The following FRMD3 variants were observed in gnomAD, a reference collection of about 807,000 sequenced individuals.
The protein encoded by FRMD3 is FERM domain containing 3.
FRMD3 carries 33 observed loss-of-function variants against 70.2 expected under a neutral mutation model. That is an observed-to-expected ratio of 0.47 (90% CI 0.36 to 0.63). The LOEUF (loss-of-function observed/expected upper bound fraction) is 0.63, where lower values mean the gene tolerates loss of function less well. Ranked by LOEUF, FRMD3 falls within the 20% of genes least tolerant of loss-of-function variation. The pLI is 0.00. For missense variants in FRMD3, 632 were observed against 711.4 expected, an observed-to-expected ratio of 0.89 and a Z score of 1.27; for synonymous variants, 279 against 255.9, an observed-to-expected ratio of 1.09 and a Z score of -0.86.
intron 8 of FRMD3, 85 bp downstream of exon 8, chr9:83,311,802 T>C (rs185349358): frequency 2.2e-6 from 2 of 923,044 alleles, no homozygotes; most frequent in East Asian, 4.8e-5. Flanking sequence ...GCATTCTACC[T>C]GACACTTGCC....
At chr9:83,310,608 G>T in intron 8 of FRMD3, 60 bp from the exon 9 acceptor site, 1 of 1,350,394 alleles carries the variant, frequency 7.4e-7, no homozygotes, top group Non-Finnish European at 1.0e-6. Context: ...AAGGTACCTG[G>T]GTTTCCCATA....
chr9:83,306,459 A>G (rs573907819), intron 10 of FRMD3, among the ~76,000 whole-genome samples: 63 of 152,276 alleles, frequency 4.1e-4, no homozygotes, highest in African/African-American at 1.4e-3. Context: ...CATGTCCCAC[A>G]AAATGCATCC....
chr9:83,325,299 G>A (rs748712973), intron 6 of FRMD3, among the ~76,000 whole-genome samples: 4 of 152,110 alleles, frequency 2.6e-5, no homozygotes, highest in Non-Finnish European at 5.9e-5. Flanking sequence ...ACTTATACTT[G>A]ATAAATCTAT....
chr9:83,315,369 G>A (rs773084363), intron 6 of FRMD3, among the ~76,000 whole-genome samples: 10 of 152,100 alleles, frequency 6.6e-5, no homozygotes, highest in Non-Finnish European at 1.5e-4. Context: ...GGGATGTGCC[G>A]TGTGGAACAG....
intron 1 of FRMD3, among the ~76,000 whole-genome samples, chr9:83,417,609 CT>C (rs1372068636): frequency 6.6e-6 from 1 of 152,208 alleles, no homozygotes; most frequent in Non-Finnish European, 1.5e-5. Flanking sequence ...GAGGAGGTGT[CT>C]AGCAGACATT....
At chr9:83,496,313 C>T (rs1472145715) in intron 1 of FRMD3, among the ~76,000 whole-genome samples, 1 of 152,142 alleles carries the variant, frequency 6.6e-6, no homozygotes, top group South Asian at 2.1e-4. Context: ...GTTTGGGAAG[C>T]TGATGAAATA....
At chr9:83,427,305 A>G (rs900272199) in intron 1 of FRMD3, among the ~76,000 whole-genome samples, 5 of 152,230 alleles carry the variant, frequency 3.3e-5, no homozygotes, top group Non-Finnish European at 2.9e-5. Context: ...AGCAAGTCAT[A>G]GGTTCCCCTC....
intron 1 of FRMD3, among the ~76,000 whole-genome samples, chr9:83,470,715 G>A (rs1299955158): frequency 6.6e-6 from 1 of 152,230 alleles, no homozygotes; most frequent in Non-Finnish European, 1.5e-5. Flanking sequence ...TAATCTGGTA[G>A]GATGTGGTAC....
chr9:83,368,018 AC>A (rs1255031794), intron 3 of FRMD3, among the ~76,000 whole-genome samples: 14 of 152,308 alleles, frequency 9.2e-5, no homozygotes, highest in East Asian at 7.7e-4. Context: ...ATATTGATAA[AC>A]ACAGCAACTT....
intron 1 of FRMD3, among the ~76,000 whole-genome samples, chr9:83,497,290 C>T (rs972641991): frequency 5.3e-5 from 8 of 151,996 alleles, no homozygotes; most frequent in African/African-American, 1.9e-4. Flanking sequence ...TTTATGAGCA[C>T]CTGTGCCCAA....
chr9:83,426,595 C>T (rs1240008945), intron 1 of FRMD3, among the ~76,000 whole-genome samples: 3 of 152,298 alleles, frequency 2.0e-5, no homozygotes, highest in Non-Finnish European at 4.4e-5. Context: ...ATCTCAGGCC[C>T]ACCTCAGATG....
chr9:83,578,297 G>C, the FRMD3 span, among the ~76,000 whole-genome samples: 1 of 151,836 alleles, frequency 6.6e-6, no homozygotes, highest in East Asian at 1.9e-4. Flanking sequence ...CTATAAAATT[G>C]AACTGGAGGG....
At chr9:83,296,524 T>C (rs941440099) in intron 12 of FRMD3, among the ~76,000 whole-genome samples, 6 of 152,192 alleles carry the variant, frequency 3.9e-5, no homozygotes, top group Non-Finnish European at 8.8e-5. Context: ...ATTACATTAA[T>C]CAAATTCTTT....
chr9:83,393,937 T>G (rs568776008), intron 1 of FRMD3, among the ~76,000 whole-genome samples: 29 of 117,032 alleles, frequency 2.5e-4, no homozygotes, highest in Admixed American at 8.2e-4. Flanking sequence ...TTTGTTTTTT[T>G]TTGTTGTTGT....
chr9:83,578,555 C>T, the FRMD3 span, among the ~76,000 whole-genome samples: 1 of 151,802 alleles, frequency 6.6e-6, no homozygotes, highest in East Asian at 1.9e-4. Flanking sequence ...ACCACATTTA[C>T]AAAATGAAGT....
At chr9:83,365,448 C>T (rs1824755624) in intron 3 of FRMD3, among the ~76,000 whole-genome samples, 1 of 151,882 alleles carries the variant, frequency 6.6e-6, no homozygotes, top group Admixed American at 6.6e-5. Flanking sequence ...TTCCCCATTA[C>T]ATTTGAAAAA....
intron 1 of FRMD3, among the ~76,000 whole-genome samples, chr9:83,487,774 G>C (rs1392670030): frequency 2.0e-5 from 3 of 152,152 alleles, no homozygotes; most frequent in Non-Finnish European, 4.4e-5. Context: ...TTGAGAAGAT[G>C]TCCCAGGGTT....
At chr9:83,485,780 A>G (rs115025154) in intron 1 of FRMD3, among the ~76,000 whole-genome samples, 2,864 of 152,296 alleles carry the variant, frequency 0.019, 88 homozygotes, top group African/African-American at 0.064. Context: ...CCATTCAGTC[A>G]CTAATGTACT....
rs1369337534 is a variant in FRMD3, at chr9:83,248,551, T to A, written c.1196-35A>T. 3 of 1,524,478 alleles carry A rather than the reference T, an allele frequency of 2.0e-6. No individual in the cohort carries two copies. The South Asian group carries it at 3.8e-5, about 19-fold the overall frequency. 94.4% of individuals were successfully genotyped at this position (1,524,478 alleles called of 1,614,324 possible). On this transcript the variant is annotated intron_variant, in intron 13 of 13. Coordinates refer to ENST00000304195, the MANE Select transcript of FRMD3 (RefSeq NM_174938.6). The stretch of plus-strand genomic sequence containing the variant: ...GACATTTTTTTTTCTAAATTTAAAA[T>A]TTCAGATTTTCCCACAAAAATCTGC...
Sources: allele counts gnomAD v4.1 joint callset (sites outside exome capture counted in the v4.1 genomes callset), GRCh38; gene constraint gnomAD v4.1.1; transcripts MANE v1.5; gene names NCBI Gene and HGNC (gene_info 2026-07-23, HGNC 2026-07-21).